COL22A1: variants seen among roughly 807,000 people sequenced by gnomAD.
COL22A1 encodes the protein collagen type XXII alpha 1 chain, also known as collagen alpha-1(XXII) chain.
Under a neutral mutation model 248.9 loss-of-function variants are expected in COL22A1, and 221 were observed. The ratio of observed to expected loss-of-function variants is 0.89; its 90% CI spans 0.80 to 0.99. The LOEUF (loss-of-function observed/expected upper bound fraction) is 0.99. COL22A1 is among the 50% of genes least tolerant of loss of function. The pLI, the probability that COL22A1 is intolerant of heterozygous loss-of-function variation, is 0.00. For missense variants in COL22A1, 2,240 were observed against 2,179.0 expected, an observed-to-expected ratio of 1.03 and a Z score of -0.56; for synonymous variants, 891 against 793.4, an observed-to-expected ratio of 1.12 and a Z score of -2.07.
intron 3 of COL22A1, among the ~76,000 whole-genome samples, chr8:138,868,047 G>A (rs1387240080): frequency 1.3e-5 from 2 of 152,186 alleles, no homozygotes; most frequent in Admixed American, 6.5e-5. Flanking sequence ...ACAGGCATGA[G>A]CCACCGCACC....
intron 35 of COL22A1, among the ~76,000 whole-genome samples, chr8:138,691,941 CGT>C (rs1276616437): frequency 3.2e-4 from 3 of 9,262 alleles, no homozygotes; most frequent in East Asian, 6.9e-3. Context: ...GGTGTGTGTA[CGT>C]GTGTGCATGT....
chr8:138,633,401 C>T (rs1820886499), intron 49 of COL22A1, among the ~76,000 whole-genome samples: 1 of 152,150 alleles, frequency 6.6e-6, no homozygotes. Flanking sequence ...TCATTTCCTA[C>T]AGCAGTCATA....
At chr8:138,788,620 T>G (rs1200045634) in intron 12 of COL22A1, among the ~76,000 whole-genome samples, 1 of 152,162 alleles carries the variant, frequency 6.6e-6, no homozygotes, top group Non-Finnish European at 1.5e-5. Context: ...TTCCTGAGGT[T>G]TTAGGAGTTA....
chr8:138,751,371 C>T, intron 22 of COL22A1, 87 bp downstream of exon 22: 2 of 898,400 alleles, frequency 2.2e-6, no homozygotes, highest in Non-Finnish European at 3.5e-6. Context: ...CTGAAACTGA[C>T]ACTGTCTATC....
At chr8:138,806,778 G>A (rs2131669665) in intron 10 of COL22A1, among the ~76,000 whole-genome samples, 1 of 152,336 alleles carries the variant, frequency 6.6e-6, no homozygotes, top group South Asian at 2.1e-4. Flanking sequence ...GCACAGGTAG[G>A]CTCCCACTCA....
chr8:138,604,761 T>C lies in COL22A1; in HGVS notation c.4113A>G (p.Pro1371=), dbSNP rs1587651628. Residue 1371 remains proline, a synonymous_variant, in exon 59 of 65, where the codon CCA becomes CCG. Transcript: ENST00000303045. Reference sequence around the variant, plus strand: ...CCTTGCCTGGGACTCCTTTCTCTCCTGGTTCTCCCTGGAAAACAGAACAGA... The same window carrying C: ...CCTTGCCTGGGACTCCTTTCTCTCCCGGTTCTCCCTGGAAAACAGAACAGA... ...FLGPRGPPGE[P]GEKGVPGKEG... is the part of the protein sequence containing the mutation. 6.2e-7 allele frequency: 1 copy of C among 1,612,410 alleles called. No individual in the cohort carries two copies. Among genetic ancestry groups the C allele is most frequent in the Non-Finnish European group, 8.5e-7 (1 of 1,179,196 alleles).
At chr8:138,599,392 T>C (rs751598520) in intron 60 of COL22A1, among the ~76,000 whole-genome samples, 2 of 152,106 alleles carry the variant, frequency 1.3e-5, no homozygotes, top group South Asian at 4.2e-4. Flanking sequence ...GGCAGGAGAA[T>C]GGCGTGAACC....
chr8:138,617,895 C>G (rs1246736946), intron 53 of COL22A1, among the ~76,000 whole-genome samples: 3 of 152,164 alleles, frequency 2.0e-5, no homozygotes, highest in Non-Finnish European at 1.5e-5. Context: ...TGAATAAGGA[C>G]TGCACAGTGC....
chr8:138,680,525 T>C (rs557295159), intron 39 of COL22A1, among the ~76,000 whole-genome samples: 3 of 152,330 alleles, frequency 2.0e-5, no homozygotes, highest in African/African-American at 4.8e-5. Context: ...CCTGCAGTTA[T>C]AAGGAATTAG....
intron 35 of COL22A1, among the ~76,000 whole-genome samples, chr8:138,691,660 TG>T (rs1207766697): frequency 2.7e-5 from 4 of 147,784 alleles, no homozygotes; most frequent in African/African-American, 1.0e-4. Context: ...TATGCATGTT[TG>T]TGGGGGTGTG....
chr8:138,707,166 G>T (rs1828533601), intron 30 of COL22A1, among the ~76,000 whole-genome samples: 1 of 152,106 alleles, frequency 6.6e-6, no homozygotes, highest in African/African-American at 2.4e-5. Flanking sequence ...ACCAAAAACA[G>T]TCCAGGACCA....
At chr8:138,726,715 C>T (rs1171053608) in intron 23 of COL22A1, among the ~76,000 whole-genome samples, 2 of 152,104 alleles carry the variant, frequency 1.3e-5, no homozygotes, top group African/African-American at 4.8e-5. Flanking sequence ...TTCATAAAGG[C>T]CGGCTGCTGT....
At chr8:138,669,497 C>T (rs1440031207) in intron 41 of COL22A1, among the ~76,000 whole-genome samples, 4 of 152,182 alleles carry the variant, frequency 2.6e-5, no homozygotes, top group Admixed American at 2.0e-4. Context: ...GAAGGAGGCT[C>T]CTGGAGCCAC....
chr8:138,900,327 T>C (rs1427179909), intron 1 of COL22A1, among the ~76,000 whole-genome samples: 1 of 152,208 alleles, frequency 6.6e-6, no homozygotes, highest in Admixed American at 6.5e-5. Context: ...ATAGCATCTA[T>C]CCGGTCTTTG....
At chr8:138,604,378 A>G (rs1818268946) in intron 59 of COL22A1, among the ~76,000 whole-genome samples, 1 of 152,224 alleles carries the variant, frequency 6.6e-6, no homozygotes, top group Non-Finnish European at 1.5e-5. Context: ...TTCAAGTGAG[A>G]GCAGGTGACA....
intron 7 of COL22A1, among the ~76,000 whole-genome samples, chr8:138,814,921 C>T (rs1192576649): frequency 6.6e-6 from 1 of 152,206 alleles, no homozygotes; most frequent in Non-Finnish European, 1.5e-5. Flanking sequence ...GCTGTGTCCC[C>T]ACCCAAATCT....
At chr8:138,904,389 G>A (rs1814847932) in intron 1 of COL22A1, among the ~76,000 whole-genome samples, 1 of 152,098 alleles carries the variant, frequency 6.6e-6, no homozygotes, top group African/African-American at 2.4e-5. Flanking sequence ...AACCCCTGCG[G>A]CCTCCCTGGG....
intron 30 of COL22A1, among the ~76,000 whole-genome samples, chr8:138,704,059 T>C (rs568144325): frequency 1.8e-4 from 28 of 152,238 alleles, no homozygotes; most frequent in African/African-American, 6.5e-4. Context: ...AACTGCAAGG[T>C]GGCAGCGAGG....
rs1822050917 is a variant in COL22A1, at chr8:138,856,697, GAT to G, written c.659-12541_659-12540del. 2.0e-5 allele frequency among the ~76,000 whole-genome samples: 3 copies of G among 152,126 alleles called. No individual in the cohort carries two copies. The South Asian group carries it at 6.2e-4, about 32-fold the overall frequency. On this transcript the variant is annotated intron_variant, in intron 3 of 64. Transcript: ENST00000303045. ...GACAGGAGAGACAGCAAGAGAGAGG[GAT>G]AGAGAGAGAGACAGAGGCAGTGAGA...
Sources: gnomAD v4.1 joint callset for allele counts (sites outside exome capture counted in the v4.1 genomes callset) on GRCh38, gnomAD v4.1.1 for gene constraint, MANE v1.5 for transcripts, NCBI Gene and HGNC (gene_info 2026-07-23, HGNC 2026-07-21) for gene names.